MMP26: variants seen among roughly 807,000 people sequenced by gnomAD.
The protein encoded by MMP26 is matrix metallopeptidase 26.
A neutral mutation model predicts 31.0 loss-of-function variants in MMP26; 33 were observed. The observed-to-expected ratio is 1.06, with a 90% confidence interval of 0.81 to 1.42. The LOEUF (loss-of-function observed/expected upper bound fraction) is 1.42. Ranked by LOEUF, MMP26 falls within the 40% of genes most tolerant of loss-of-function variation. MMP26 has a pLI of 0.00. For missense variants in MMP26, 347 were observed against 316.1 expected (o/e 1.10, Z -0.74); for synonymous variants, 122 against 114.9 (o/e 1.06, Z -0.40).
chr11:4,753,667 T>G (rs1848474343), intron 1 of MMP26, among the ~76,000 whole-genome samples: 1 of 152,112 alleles, frequency 6.6e-6, no homozygotes, highest in Admixed American at 6.6e-5. Context: ...CTTAGAGTTA[T>G]TAACTTAGAT....
intron 2 of MMP26, among the ~76,000 whole-genome samples, chr11:4,956,528 A>G (rs1163180927): frequency 6.6e-6 from 1 of 152,150 alleles, no homozygotes; most frequent in Admixed American, 6.5e-5. Context: ...AAGCTTGGAT[A>G]TTTCTGAATG....
At chr11:4,753,697 A>G (rs538480310) in intron 1 of MMP26, among the ~76,000 whole-genome samples, 1 of 152,210 alleles carries the variant, frequency 6.6e-6, no homozygotes, top group African/African-American at 2.4e-5. Flanking sequence ...CATTTACTCC[A>G]TTTAGCAAGC....
intron 2 of MMP26, among the ~76,000 whole-genome samples, chr11:4,838,522 G>C (rs1392718912): frequency 2.6e-5 from 4 of 151,854 alleles, no homozygotes; most frequent in African/African-American, 9.7e-5. Context: ...ATTTATTAGA[G>C]CATTGCTTGG....
intron 1 of MMP26, chr11:4,724,084 C>G: frequency 1.5e-6 from 1 of 647,274 alleles, no homozygotes; most frequent in South Asian, 1.7e-5. Flanking sequence ...ATGCAGGCAC[C>G]AGGTCCACTC....
At chr11:4,962,116 A>G (rs575885630) in intron 2 of MMP26, among the ~76,000 whole-genome samples, 34 of 152,218 alleles carry the variant, frequency 2.2e-4, no homozygotes, top group Non-Finnish European at 5.0e-4. Flanking sequence ...ATCCTTGGTC[A>G]AGTTCTAGAT....
chr11:4,929,154 G>A (rs1188388681), intron 2 of MMP26, among the ~76,000 whole-genome samples: 1 of 152,070 alleles, frequency 6.6e-6, no homozygotes, highest in Non-Finnish European at 1.5e-5. Flanking sequence ...AAAAACCAAT[G>A]TGTTTTGTGT....
intron 1 of MMP26, among the ~76,000 whole-genome samples, chr11:4,755,060 T>C (rs567662470): frequency 2.4e-4 from 36 of 152,084 alleles, no homozygotes; most frequent in African/African-American, 8.4e-4. Context: ...ACTTTCACCT[T>C]TCATCGGTTG....
chr11:4,856,881 C>G (rs1850061611), intron 2 of MMP26, among the ~76,000 whole-genome samples: 1 of 152,156 alleles, frequency 6.6e-6, no homozygotes, highest in African/African-American at 2.4e-5. Context: ...TCCCTCAGAC[C>G]ACAGTTCAAT....
In MMP26 at chr11:4,992,412, G is replaced by C. The variant is rs995901686; in HGVS notation, c.*170G>C. The C allele has an allele frequency of 2.8e-5, 18 of 635,848 alleles. No homozygotes were observed. Among genetic ancestry groups the C allele is most frequent in the Non-Finnish European group, 4.7e-5 (17 of 359,180 alleles). The allele number at this position is 635,848 out of a possible 1,614,324, so 39.4% of individuals were successfully genotyped here. A position where few individuals can be genotyped will look rare whatever the true frequency, so the allele number is the denominator to read the frequency against. On this transcript the variant is annotated 3_prime_UTR_variant, in exon 8 of 8. Transcript: ENST00000380390. ...CAAAACGCTACTGAGTCACAATAAA[G>C]ATTGTTTTAAAGAGTAATATTTTGT...
At chr11:4,807,641 A>G (rs2133458382) in intron 2 of MMP26, among the ~76,000 whole-genome samples, 2 of 151,982 alleles carry the variant, frequency 1.3e-5, no homozygotes, top group East Asian at 1.9e-4. Flanking sequence ...TGGGGGAGGG[A>G]TAGCATTAGG....
At chr11:4,938,362 T>C (rs1846158436) in intron 2 of MMP26, 1 of 151,970 alleles carries the variant, frequency 6.6e-6, no homozygotes, top group African/African-American at 2.4e-5. Flanking sequence ...AGTGAACTTA[T>C]GGTAGAAGAT....
At chr11:4,934,004 T>C (rs1851393224) in intron 2 of MMP26, among the ~76,000 whole-genome samples, 1 of 145,262 alleles carries the variant, frequency 6.9e-6, no homozygotes, top group Non-Finnish European at 1.5e-5. Flanking sequence ...TCCAAGTCTT[T>C]GCTATTGTGA....
At chr11:4,722,900 C>T (rs1305508193) in intron 1 of MMP26, 5 of 786,576 alleles carry the variant, frequency 6.4e-6, no homozygotes, top group Non-Finnish European at 1.1e-5. Flanking sequence ...GCTTGTGAGG[C>T]CCCCATAGGC....
chr11:4,706,598 AAGAC>A (rs1362859780), intron 1 of MMP26, among the ~76,000 whole-genome samples: 2 of 122,902 alleles, frequency 1.6e-5, no homozygotes, highest in East Asian at 3.4e-4. Flanking sequence ...AAAAAAAAAA[AAGAC>A]AGAAAGAAAG....
intron 2 of MMP26, among the ~76,000 whole-genome samples, chr11:4,974,809 A>G (rs1004739986): frequency 6.6e-6 from 1 of 152,142 alleles, no homozygotes; most frequent in African/African-American, 2.4e-5. Context: ...TTGCAGGGAC[A>G]TGGATGGGGC....
At chr11:4,795,898 C>A (rs181711294) in intron 2 of MMP26, among the ~76,000 whole-genome samples, 3 of 151,760 alleles carry the variant, frequency 2.0e-5, no homozygotes, top group Admixed American at 2.0e-4. Flanking sequence ...ATTATTCTTA[C>A]ATTGTTTTCA....
At chr11:4,956,458 T>G (rs1486995839) in intron 2 of MMP26, among the ~76,000 whole-genome samples, 1 of 152,152 alleles carries the variant, frequency 6.6e-6, no homozygotes, top group Non-Finnish European at 1.5e-5. Context: ...AAGGGATGAT[T>G]TGTTTGGAGA....
At chr11:4,984,090 G>T (rs911059733) in intron 2 of MMP26, among the ~76,000 whole-genome samples, 4 of 152,136 alleles carry the variant, frequency 2.6e-5, no homozygotes, top group Admixed American at 6.5e-5. Flanking sequence ...ATCTGTGCCG[G>T]CCCTATCGGA....
At chr11:4,838,336 A>G (rs1467106915) in intron 2 of MMP26, among the ~76,000 whole-genome samples, 6 of 140,338 alleles carry the variant, frequency 4.3e-5, no homozygotes, top group Admixed American at 1.4e-4. Flanking sequence ...AAAAAAAAAA[A>G]AAAAAAAAAA....
Sources: allele counts gnomAD v4.1 joint callset (sites outside exome capture counted in the v4.1 genomes callset), GRCh38; gene constraint gnomAD v4.1.1; transcripts MANE v1.5; gene names NCBI Gene and HGNC (gene_info 2026-07-23, HGNC 2026-07-21).